The following PASD1 variants were observed in gnomAD, a reference collection of about 807,000 sequenced individuals.
PASD1 encodes the protein circadian clock protein PASD1.
In PASD1, 13 loss-of-function variants were observed where a neutral mutation model predicts 58.8. The ratio of observed to expected loss-of-function variants is 0.22; its 90% CI spans 0.14 to 0.35. The LOEUF (loss-of-function observed/expected upper bound fraction) is 0.35, where lower values mean the gene tolerates loss of function less well. Ranked by LOEUF, PASD1 falls within the 10% of genes least tolerant of loss-of-function variation. PASD1 has a pLI of 1.00. For synonymous variants in PASD1, 236 were observed against 216.7 expected, an observed-to-expected ratio of 1.09 and a Z score of -0.78; for missense variants, 734 against 568.3, an observed-to-expected ratio of 1.29 and a Z score of -2.96.
At chrX:151,599,323 A>G (rs1404258635) in intron 1 of PASD1, among the ~76,000 whole-genome samples, 1 of 112,935 alleles carries the variant, frequency 8.9e-6, no homozygotes, top group African/African-American at 3.2e-5. Context: ...CCCGTTCTCA[A>G]TGAGCTGTTG....
chrX:151,661,130 G>A (rs1173559144), intron 10 of PASD1, among the ~76,000 whole-genome samples: 5 of 108,106 alleles, frequency 4.6e-5, no homozygotes, highest in Non-Finnish European at 5.8e-5. Context: ...ACTCCAGCCT[G>A]GGCGACAGAG....
intron 8 of PASD1, among the ~76,000 whole-genome samples, chrX:151,628,963 A>G (rs1296043051): frequency 9.0e-6 from 1 of 111,391 alleles, no homozygotes; most frequent in Non-Finnish European, 1.9e-5. Context: ...ATTGTGAATG[A>G]GAGTTAACTC....
intron 8 of PASD1, among the ~76,000 whole-genome samples, chrX:151,639,526 A>G (rs2013973256): frequency 8.9e-6 from 1 of 112,343 alleles, no homozygotes; most frequent in African/African-American, 3.2e-5. Flanking sequence ...TACATGGACT[A>G]AAATGTTTTT....
intron 9 of PASD1, among the ~76,000 whole-genome samples, chrX:151,655,108 G>T (rs1569414162): frequency 9.0e-6 from 1 of 111,216 alleles, no homozygotes; most frequent in Admixed American, 9.5e-5. Flanking sequence ...GCGGTGTTTG[G>T]TTTTTTGTCC....
At position 151,645,211 on chromosome X, in the gene PASD1, T is replaced by A. The variant is rs1229691680; in HGVS notation, c.630-3404T>A. Among the ~76,000 whole-genome samples, 5 of 111,511 alleles carry A rather than the reference T, an allele frequency of 4.5e-5. No individual in the cohort carries two copies. In the Admixed American group the frequency reaches 4.8e-4, roughly 11 times the overall value. On this transcript the variant is annotated intron_variant, in intron 8 of 15. Transcript: ENST00000370357. Reference sequence around the variant, plus strand: ...CCTGCAACCAAGAAGGGAAATCTGGTTTTCTTTCCCTCCATCACTTCAGAT... The same window carrying A: ...CCTGCAACCAAGAAGGGAAATCTGGATTTCTTTCCCTCCATCACTTCAGAT...
intron 8 of PASD1, among the ~76,000 whole-genome samples, chrX:151,647,331 C>T (rs5924656): frequency 0.31 from 34,310 of 110,167 alleles, 4,651 homozygotes; most frequent in Middle Eastern, 0.49. Flanking sequence ...TAAATTTAGT[C>T]GGAGGTTGAA....
At chrX:151,638,864 G>A (rs1042769593) in intron 8 of PASD1, among the ~76,000 whole-genome samples, 2 of 111,260 alleles carry the variant, frequency 1.8e-5, no homozygotes, top group Non-Finnish European at 3.8e-5. Flanking sequence ...TTTTTATAAG[G>A]TGTGAGATTT....
intron 1 of PASD1, among the ~76,000 whole-genome samples, chrX:151,571,832 T>A (rs769205379): frequency 8.9e-6 from 1 of 112,137 alleles, no homozygotes; most frequent in South Asian, 3.8e-4. Flanking sequence ...ATCTAATTCT[T>A]AATCTTTGTT....
intron 8 of PASD1, among the ~76,000 whole-genome samples, chrX:151,634,994 G>A (rs1390794067): frequency 9.0e-6 from 1 of 111,515 alleles, no homozygotes; most frequent in Non-Finnish European, 1.9e-5. Flanking sequence ...TTGGCATTTT[G>A]GTTAGGAAGT....
At chrX:151,624,946 GAC>G (rs2013764332) in intron 7 of PASD1, among the ~76,000 whole-genome samples, 1 of 111,929 alleles carries the variant, frequency 8.9e-6, no homozygotes, top group African/African-American at 3.2e-5. Context: ...TGAGAATACA[GAC>G]ATCCCATTTT....
At chrX:151,675,519 C>T (rs1257424310) in intron 15 of PASD1, among the ~76,000 whole-genome samples, 2 of 112,299 alleles carry the variant, frequency 1.8e-5, no homozygotes, top group Non-Finnish European at 3.8e-5. Context: ...CAGAAAACAC[C>T]CCCTCAGCCC....
intron 11 of PASD1, among the ~76,000 whole-genome samples, chrX:151,667,360 T>G (rs1172671919): frequency 9.0e-6 from 1 of 111,730 alleles, no homozygotes; most frequent in Non-Finnish European, 1.9e-5. Flanking sequence ...TAGTTTCTTT[T>G]GCTGTGCAGA....
chrX:151,653,129 G>A (rs894587722), intron 9 of PASD1, among the ~76,000 whole-genome samples: 33 of 109,452 alleles, frequency 3.0e-4, no homozygotes, highest in Non-Finnish European at 4.4e-4. Context: ...GGTGGTAACC[G>A]TAGAAGTTAT....
chrX:151,586,578 A>G (rs141657590), intron 1 of PASD1, among the ~76,000 whole-genome samples: 96 of 111,476 alleles, frequency 8.6e-4, no homozygotes, highest in Non-Finnish European at 1.5e-3. Context: ...AGGACCTAGT[A>G]TGTATGTAGT....
intron 1 of PASD1, among the ~76,000 whole-genome samples, chrX:151,577,709 G>A (rs942106831): frequency 2.7e-5 from 3 of 111,221 alleles, no homozygotes; most frequent in Admixed American, 9.6e-5. Flanking sequence ...TGTATTTTTA[G>A]TAGAGACGGG....
At chrX:151,670,611 A>G (rs1417841832) in intron 11 of PASD1, among the ~76,000 whole-genome samples, 1 of 112,102 alleles carries the variant, frequency 8.9e-6, no homozygotes, top group African/African-American at 3.2e-5. Flanking sequence ...GAGTTTTCGT[A>G]CAGTGCTTAG....
At chrX:151,627,166 T>G (rs2013798783) in intron 8 of PASD1, among the ~76,000 whole-genome samples, 1 of 111,445 alleles carries the variant, frequency 9.0e-6, no homozygotes, top group African/African-American at 3.2e-5. Context: ...TGGAATCTAA[T>G]TTTTATTTTT....
In PASD1 at chrX:151,611,654, T is replaced by C; in HGVS notation, c.118-10T>C. On this transcript the variant is annotated splice_polypyrimidine_tract_variant and intron_variant, in intron 3 of 15. Coordinates refer to ENST00000370357, the MANE Select transcript of PASD1 (RefSeq NM_173493.3). ...ACTATTTAATTACATTATTATTCTC[T>C]CGTCATTAGTTATTAGATGGCTTTA... 1 of 1,138,813 alleles carries C rather than the reference T, an allele frequency of 8.8e-7. No individual in the cohort carries two copies. Among genetic ancestry groups the C allele is most frequent in the Non-Finnish European group, 1.2e-6 (1 of 843,248 alleles). The allele number at this position is 1,138,813 out of a possible 1,213,427, so 93.9% of individuals were successfully genotyped here. A position where few individuals can be genotyped will look rare whatever the true frequency, so the allele number is the denominator to read the frequency against.
At position 151,611,641 on chromosome X, in the gene PASD1, CATT is replaced by C; in HGVS notation, c.118-16_118-14del. ...TTATTATTGTTCCACTATTTAATTA[CATT>C]ATTATTCTCTCGTCATTAGTTATTA... On this transcript the variant is annotated intron_variant, in intron 3 of 15. Coordinates refer to ENST00000370357, the MANE Select transcript of PASD1 (RefSeq NM_173493.3). 1 of 1,048,559 alleles carries C rather than the reference CATT, an allele frequency of 9.5e-7. No homozygotes were observed. Among genetic ancestry groups the C allele is most frequent in the African/African-American group, 1.9e-5 (1 of 53,594 alleles). The allele number at this position is 1,048,559 out of a possible 1,213,427, so 86.4% of individuals were successfully genotyped here. A position where few individuals can be genotyped will look rare whatever the true frequency, so the allele number is the denominator to read the frequency against.
Sources: gnomAD v4.1 joint callset for allele counts (sites outside exome capture counted in the v4.1 genomes callset) on GRCh38, gnomAD v4.1.1 for gene constraint, MANE v1.5 for transcripts, NCBI Gene and HGNC (gene_info 2026-07-23, HGNC 2026-07-21) for gene names.